The following ZNF667 variants were observed in gnomAD, a reference collection of about 807,000 sequenced individuals.
ZNF667 encodes myocardial ischemic preconditioning upregulated 1 ortholog.
ZNF667 carries 13 observed loss-of-function variants against 31.8 expected under a neutral mutation model. That is an observed-to-expected ratio of 0.41 (90% confidence interval 0.27 to 0.65). The LOEUF is 0.65. ZNF667 is among the 30% of genes least tolerant of loss of function. The probability of loss-of-function intolerance (pLI) is 0.32; values close to 1 mark genes in which losing one functional copy is unlikely to be tolerated. For synonymous variants in ZNF667, 228 were observed against 247.1 expected (o/e 0.92, Z 0.73); for missense variants, 642 against 725.6 (o/e 0.88, Z 1.32).
chr19:56,456,854 A>G (rs1294573622), intron 6 of ZNF667, among the ~76,000 whole-genome samples: 1 of 152,250 alleles, frequency 6.6e-6, no homozygotes, highest in Non-Finnish European at 1.5e-5. Context: ...AAACTTTGTT[A>G]TATGACTAAA....
Position 56,473,780 on chromosome 19 carries a change from T to C in ZNF667, c.-549+232A>G, listed in dbSNP as rs558173493. ...AAATGGTATTATAAGGGCAAAAACATAGAAAAGTCATTTAGAAAAAAACAA... is the reference window on the plus strand; with the variant it reads ...AAATGGTATTATAAGGGCAAAAACACAGAAAAGTCATTTAGAAAAAAACAA... On this transcript the variant is annotated intron_variant, in intron 2 of 6. Transcript: ENST00000504904. 8.1e-4 allele frequency among the ~76,000 whole-genome samples: 124 copies of C among 152,148 alleles called. 1 individual carries two copies. In the South Asian group the frequency reaches 0.023, roughly 29 times the overall value.
At chr19:56,448,298 A>G (rs75758100) in intron 6 of ZNF667, among the ~76,000 whole-genome samples, 5,427 of 152,212 alleles carry the variant, frequency 0.036, 215 homozygotes, top group African/African-American at 0.096. Flanking sequence ...AATCAGCTCT[A>G]GCCTAAGAAT....
chr19:56,448,734 C>A (rs149141851), intron 6 of ZNF667, among the ~76,000 whole-genome samples: 1 of 152,028 alleles, frequency 6.6e-6, no homozygotes, highest in Admixed American at 6.5e-5. Context: ...CAGAAGGCAA[C>A]TCGCTGCCCT....
Position 56,441,743 on chromosome 19 carries a change from T to G in ZNF667, c.1252A>C (p.Lys418Gln). Residue 418 changes from lysine (K) to glutamine (Q), a missense_variant, in exon 7 of 7, where the codon AAG (lysine) becomes CAG (glutamine). Coordinates refer to ENST00000504904, the MANE Select transcript of ZNF667 (RefSeq NM_001321356.2). The surrounding 1 kb of genome is among the most constrained non-coding windows in gnomAD (Gnocchi z 4.2). ...CCAGAAAACATCTTCCCACATTCCT[T>G]ACACTCAAATAGTTTCTTTTTCTTT... The part of the protein sequence containing the change: ...HTKKKKLFEC[K>Q]ECGKMFSGTA... The G allele has an allele frequency of 6.2e-7, 1 of 1,614,172 alleles. No individual in the cohort carries two copies. The highest frequency in any genetic ancestry group is 8.5e-7 in the Non-Finnish European group (1 of 1,180,020).
chr19:56,442,845 T>C, intron 6 of ZNF667, 104 bp from the exon 7 acceptor site: 3 of 1,371,756 alleles, frequency 2.2e-6, no homozygotes, highest in Non-Finnish European at 2.8e-6. Flanking sequence ...ACAACAATTA[T>C]GATTACCAAA....
chr19:56,473,114 G>C (rs754789729), intron 2 of ZNF667: 7 of 152,206 alleles, frequency 4.6e-5, no homozygotes, highest in Non-Finnish European at 7.3e-5. Flanking sequence ...TGCACAATGA[G>C]AGACACACAA....
In ZNF667 at chr19:56,474,065, A is replaced by T. The variant is rs2043349461; in HGVS notation, c.-602T>A. On this transcript the variant is annotated 5_prime_UTR_variant, in exon 2 of 7. Transcript: ENST00000504904. ...TCGTCTTCCGAGTCCCTGATGATAGATGAGAAAGGGCTTTGAAAGGCACAA... is the reference window on the plus strand; with the variant it reads ...TCGTCTTCCGAGTCCCTGATGATAGTTGAGAAAGGGCTTTGAAAGGCACAA... The T allele has an allele frequency of 6.6e-6, 1 of 152,224 alleles. No individual in the cohort carries two copies. The highest frequency in any genetic ancestry group is 1.5e-5 in the Non-Finnish European group (1 of 68,042). 9.4% of individuals were successfully genotyped at this position (152,224 alleles called of 1,614,324 possible).
intron 6 of ZNF667, chr19:56,444,210 G>C (rs2042676183): frequency 2.5e-6 from 1 of 398,342 alleles, no homozygotes; most frequent in South Asian, 1.3e-4. Flanking sequence ...GGTTCAATTG[G>C]CTCCTGGTTC....
intron 6 of ZNF667, chr19:56,449,705 T>C (rs1241107389): frequency 6.8e-6 from 1 of 147,228 alleles, no homozygotes; most frequent in Non-Finnish European, 1.5e-5. Flanking sequence ...AAAAAAAAGC[T>C]ATTTTGAGGA....
At chr19:56,474,254 A>G (rs2043354326) in intron 1 of ZNF667, 130 bp from the exon 2 acceptor site, 1 of 152,204 alleles carries the variant, frequency 6.6e-6, no homozygotes, top group Non-Finnish European at 1.5e-5. Flanking sequence ...TGGGTATTGA[A>G]TTGGGGGAGG....
At chr19:56,463,591 G>C (rs2043099147) in intron 3 of ZNF667, among the ~76,000 whole-genome samples, 1 of 152,004 alleles carries the variant, frequency 6.6e-6, no homozygotes, top group African/African-American at 2.4e-5. Flanking sequence ...GCAGTGGTGT[G>C]ATCTTGGCTC....
chr19:56,441,178 G>T lies in ZNF667; in HGVS notation c.1817C>A (p.Ser606Tyr). 1 of 1,603,474 alleles carries T rather than the reference G, an allele frequency of 6.2e-7. No individual in the cohort carries two copies. Among genetic ancestry groups the T allele is most frequent in the Non-Finnish European group, 8.5e-7 (1 of 1,173,058 alleles). Reference sequence around the variant, plus strand: ...AAAACAACCTTAGGCTTTTTCTTCAGAATGTGTATTCTGATGTCGAATCAG... The same window carrying T: ...AAAACAACCTTAGGCTTTTTCTTCATAATGTGTATTCTGATGTCGAATCAG... Reference protein sequence around the residue: ...SSLIRHQNTHSEEKA With the variant: ...SSLIRHQNTHYEEKA The change falls in exon 7 of 7, where the codon TCT becomes TAT. Residue 606 changes from serine (S) to tyrosine (Y), a missense_variant. Physicochemically the swap from Ser to Tyr is moderately radical, Grantham distance 144. Transcript: ENST00000504904. This position sits in a 1 kb window ranked among gnomAD's most constrained non-coding sequence, Gnocchi z 4.2.
intron 5 of ZNF667, 47 bp downstream of exon 5, chr19:56,460,642 G>A (rs988920937): frequency 1.3e-6 from 2 of 1,573,096 alleles, no homozygotes; most frequent in African/African-American, 1.4e-5. Context: ...AGTGATGCAT[G>A]TCCCTCAATA....
At position 56,441,820 on chromosome 19, in the gene ZNF667, TCA is replaced by T. The variant is rs1355812242; in HGVS notation, c.1173_1174del (p.Cys391Ter). On this transcript the variant is annotated stop_gained and frameshift_variant, in exon 7 of 7. Coordinates refer to ENST00000504904, the MANE Select transcript of ZNF667 (RefSeq NM_001321356.2). LOFTEE classifies it high-confidence loss of function. The surrounding 1 kb of genome is among the most constrained non-coding windows in gnomAD (Gnocchi z 4.2). ...GGATGAATGCCGATTGCAGACCTTC[TCA>T]CATTTATTGCATCTGTATAGTTTTT... The T allele has an allele frequency of 6.2e-7, 1 of 1,613,994 alleles. No homozygotes were observed. The highest frequency in any genetic ancestry group is 8.5e-7 in the Non-Finnish European group (1 of 1,180,020).
intron 3 of ZNF667, among the ~76,000 whole-genome samples, chr19:56,463,258 C>T (rs768880104): frequency 6.6e-6 from 1 of 152,058 alleles, no homozygotes; most frequent in East Asian, 1.9e-4. Flanking sequence ...AACTGTGTGT[C>T]AGAAGAGGGA....
intron 6 of ZNF667, 21 bp from the exon 7 acceptor site, chr19:56,442,762 A>G: frequency 6.6e-7 from 1 of 1,510,428 alleles, no homozygotes; most frequent in Non-Finnish European, 8.8e-7. Context: ...TAAAGGAATT[A>G]AATGTTTCTC....
chr19:56,441,506 T>C lies in ZNF667; in HGVS notation c.1489A>G (p.Arg497Gly). The change falls in exon 7 of 7, where the codon AGA becomes GGA. Residue 497 changes from arginine (R) to glycine (G), a missense_variant. Coordinates refer to ENST00000504904, the MANE Select transcript of ZNF667 (RefSeq NM_001321356.2). The surrounding 1 kb of genome is among the most constrained non-coding windows in gnomAD (Gnocchi z 4.2). ...CCACACTGATCACATTCATAGGGTC[T>C]ATCTTCAGTATGAATTCTCTTATGT... ...TRHKRIHTEDRPYECDQCGKA... is the reference protein window; with the variant it reads ...TRHKRIHTEDGPYECDQCGKA... The C allele has an allele frequency of 2.5e-6, 4 of 1,614,256 alleles. No individual in the cohort carries two copies. Among genetic ancestry groups the C allele is most frequent in the Non-Finnish European group, 3.4e-6 (4 of 1,180,040 alleles).
At chr19:56,446,259 G>A (rs564111530) in intron 6 of ZNF667, among the ~76,000 whole-genome samples, 75 of 152,222 alleles carry the variant, frequency 4.9e-4, no homozygotes, top group African/African-American at 1.4e-3. Flanking sequence ...TAATAATCAC[G>A]TACCTCACAA....
chr19:56,457,982 C>G (rs1229639669), intron 6 of ZNF667, among the ~76,000 whole-genome samples, 173 bp downstream of exon 6: 1 of 152,332 alleles, frequency 6.6e-6, no homozygotes, highest in East Asian at 1.9e-4. Context: ...ACCTATGAAC[C>G]AGAAAGCAGT....
Sources: allele counts gnomAD v4.1 joint callset (sites outside exome capture counted in the v4.1 genomes callset), GRCh38; gene constraint gnomAD v4.1.1; non-coding constraint Gnocchi (gnomAD v3.1); transcripts MANE v1.5; gene names NCBI Gene and HGNC (gene_info 2026-07-23, HGNC 2026-07-21).